The following DTNBP1 variants were observed in gnomAD, a reference collection of about 807,000 sequenced individuals.
DTNBP1 encodes the protein dystrobrevin binding protein 1.
In DTNBP1, 35 loss-of-function variants were observed where a neutral mutation model predicts 42.8. That is an observed-to-expected ratio of 0.82 (90% confidence interval 0.63 to 1.09). The LOEUF is 1.09. DTNBP1 is among the 50% of genes least tolerant of loss of function. DTNBP1 has a pLI of 0.00. For missense variants in DTNBP1, 457 were observed against 424.2 expected (o/e 1.08, Z -0.68); for synonymous variants, 171 against 162.2 (o/e 1.05, Z -0.41).
chr6:15,607,745 C>T lies in DTNBP1; in HGVS notation c.488+7522G>A, dbSNP rs190348082. Among the ~76,000 whole-genome samples the T allele has an allele frequency of 2.5e-3, 375 of 152,164 alleles. 1 individual carries two copies. The highest frequency in any genetic ancestry group is 3.8e-3 in the Non-Finnish European group (256 of 68,000). ...ATGGCAACCTTTTCAGTCTAGTATTCCATGCAGAAGAATTCAGGGAATGTT... is the reference window on the plus strand; with the variant it reads ...ATGGCAACCTTTTCAGTCTAGTATTTCATGCAGAAGAATTCAGGGAATGTT... On this transcript the variant is annotated intron_variant, in intron 6 of 9. Coordinates refer to ENST00000344537, the MANE Select transcript of DTNBP1 (RefSeq NM_032122.5).
At chr6:15,620,361 T>C (rs1022252002) in intron 5 of DTNBP1, among the ~76,000 whole-genome samples, 3 of 152,182 alleles carry the variant, frequency 2.0e-5, no homozygotes, top group African/African-American at 7.2e-5. Flanking sequence ...CATTTATATA[T>C]ATATTTTTTT....
At chr6:15,646,491 A>G (rs1760687747) in intron 3 of DTNBP1, among the ~76,000 whole-genome samples, 2 of 150,928 alleles carry the variant, frequency 1.3e-5, no homozygotes, top group Admixed American at 6.6e-5. Flanking sequence ...TACCAATGCC[A>G]TTTTCCCCAA....
intron 7 of DTNBP1, among the ~76,000 whole-genome samples, chr6:15,579,668 G>A (rs1775736249): frequency 6.6e-6 from 1 of 152,192 alleles, no homozygotes; most frequent in African/African-American, 2.4e-5. Context: ...AGCTGGGCAT[G>A]GTGGCAGGCG....
chr6:15,528,716 G>A (rs1257447044), intron 8 of DTNBP1, among the ~76,000 whole-genome samples: 1 of 152,200 alleles, frequency 6.6e-6, no homozygotes, highest in Non-Finnish European at 1.5e-5. Context: ...CAAGAAATTT[G>A]ACAGCATCTA....
intron 7 of DTNBP1, chr6:15,585,886 GA>G: frequency 1.4e-6 from 2 of 1,416,114 alleles, no homozygotes; most frequent in Non-Finnish European, 1.8e-6. Context: ...GCTGAAGCCA[GA>G]AGCAGGTTTT....
At chr6:15,604,409 C>T (rs1434670341) in intron 6 of DTNBP1, among the ~76,000 whole-genome samples, 1 of 152,132 alleles carries the variant, frequency 6.6e-6, no homozygotes, top group African/African-American at 2.4e-5. Flanking sequence ...AGAGAAGGTG[C>T]TCTCGATCTT....
chr6:15,606,629 T>C (rs1306305197), intron 6 of DTNBP1, among the ~76,000 whole-genome samples: 1 of 152,142 alleles, frequency 6.6e-6, no homozygotes, highest in East Asian at 1.9e-4. Context: ...AAATTATCTT[T>C]CATTCTCCCA....
chr6:15,528,339 T>TTA (rs1772561412), intron 8 of DTNBP1, among the ~76,000 whole-genome samples: 7 of 152,150 alleles, frequency 4.6e-5, no homozygotes, highest in Admixed American at 4.6e-4. Context: ...GGTGTTTAAC[T>TTA]GCATCCCTGG....
In DTNBP1 at chr6:15,615,086, C is replaced by T. The variant is rs185166664; in HGVS notation, c.488+181G>A. On this transcript the variant is annotated intron_variant, in intron 6 of 9. Coordinates refer to ENST00000344537, the MANE Select transcript of DTNBP1 (RefSeq NM_032122.5). ...TTACCTTCTCCTGAGTTTTTTATAACTCATCTCCAAAAGATGGCAACAGAC... is the reference window on the plus strand; with the variant it reads ...TTACCTTCTCCTGAGTTTTTTATAATTCATCTCCAAAAGATGGCAACAGAC... The T allele has an allele frequency of 4.6e-4, 406 of 877,200 alleles. 1 individual carries two copies. Among genetic ancestry groups the T allele is most frequent in the Admixed American group, 5.6e-4 (28 of 50,252 alleles). 54.3% of individuals were successfully genotyped at this position (877,200 alleles called of 1,614,324 possible). A position where few individuals can be genotyped will look rare whatever the true frequency, so the allele number is the denominator to read the frequency against.
intron 7 of DTNBP1, among the ~76,000 whole-genome samples, chr6:15,588,412 T>A (rs548287067): frequency 6.6e-6 from 1 of 152,216 alleles, no homozygotes; most frequent in Non-Finnish European, 1.5e-5. Flanking sequence ...TCAGCTACAA[T>A]AACCTTTGAG....
intron 3 of DTNBP1, among the ~76,000 whole-genome samples, chr6:15,646,081 A>C (rs116362687): frequency 6.6e-6 from 1 of 152,044 alleles, no homozygotes; most frequent in African/African-American, 2.4e-5. Context: ...CCTGATAAAC[A>C]ACTTCAGTAA....
Position 15,652,080 on chromosome 6 carries a change from A to G in DTNBP1, c.110+7T>C, listed in dbSNP as rs1761031894. 5 of 1,612,476 alleles carry G rather than the reference A, an allele frequency of 3.1e-6. No individual in the cohort carries two copies. The highest frequency in any genetic ancestry group is 4.2e-6 in the Non-Finnish European group (5 of 1,178,888). On this transcript the variant is annotated splice_region_variant and intron_variant, in intron 2 of 9. Transcript: ENST00000344537. ...ACAGTTAAGTTAAAATCTTAGCACAAGCTTACCTGGGTTTGCTTTTCACTT... is the reference window on the plus strand; with the variant it reads ...ACAGTTAAGTTAAAATCTTAGCACAGGCTTACCTGGGTTTGCTTTTCACTT...
At chr6:15,620,842 T>C (rs1367165101) in intron 5 of DTNBP1, among the ~76,000 whole-genome samples, 1 of 152,222 alleles carries the variant, frequency 6.6e-6, no homozygotes, top group African/African-American at 2.4e-5. Flanking sequence ...TGAGATGCAA[T>C]GTGATACCTC....
chr6:15,658,468 G>A lies in DTNBP1; in HGVS notation c.56+4346C>T, dbSNP rs116375184. On this transcript the variant is annotated intron_variant, in intron 1 of 9. Transcript: ENST00000344537. Reference sequence around the variant, plus strand: ...ACACTGGGCAGGGGTGCAGGTGGGCGGCAGGGGCAGTGAGGGCTTTGAGGG... The same window carrying A: ...ACACTGGGCAGGGGTGCAGGTGGGCAGCAGGGGCAGTGAGGGCTTTGAGGG... Among the ~76,000 whole-genome samples the A allele has an allele frequency of 2.3e-3, 354 of 152,232 alleles. 1 individual carries two copies. Among genetic ancestry groups the A allele is most frequent in the Middle Eastern group, 6.8e-3 (2 of 294 alleles).
At chr6:15,616,443 A>G (rs1203179479) in intron 5 of DTNBP1, among the ~76,000 whole-genome samples, 5 of 152,216 alleles carry the variant, frequency 3.3e-5, no homozygotes, top group South Asian at 2.1e-4. Context: ...AGCATGACAG[A>G]GTAAGGCATG....
intron 7 of DTNBP1, among the ~76,000 whole-genome samples, chr6:15,557,754 A>C (rs769499032): frequency 2.6e-5 from 4 of 152,176 alleles, no homozygotes; most frequent in African/African-American, 9.6e-5. Context: ...TTAACAGGTA[A>C]AGGTTTTTGT....
intron 8 of DTNBP1, among the ~76,000 whole-genome samples, chr6:15,528,401 A>G (rs1360783784): frequency 6.6e-6 from 1 of 152,130 alleles, no homozygotes. Context: ...AGGCACGACA[A>G]CCAAAATGGG....
chr6:15,548,448 C>G (rs75240925), intron 7 of DTNBP1: 23 of 120,178 alleles, frequency 1.9e-4, no homozygotes, highest in East Asian at 4.5e-4. Flanking sequence ...GACACACACA[C>G]ACACACACAC....
At chr6:15,644,175 T>TA (rs35859847) in intron 3 of DTNBP1, among the ~76,000 whole-genome samples, 16,605 of 131,956 alleles carry the variant, frequency 0.13, 1,007 homozygotes, top group Non-Finnish European at 0.15. Flanking sequence ...CAAGAACAGT[T>TA]AAAAAAAAAA....
Sources: gnomAD v4.1 joint callset for allele counts (sites outside exome capture counted in the v4.1 genomes callset) on GRCh38, gnomAD v4.1.1 for gene constraint, MANE v1.5 for transcripts, NCBI Gene and HGNC (gene_info 2026-07-23, HGNC 2026-07-21) for gene names.